Variants in SLC25A26 observed in about 807,000 individuals in gnomAD.
SLC25A26 encodes solute carrier family 25 member 26.
In SLC25A26, 36 loss-of-function variants were observed where a neutral mutation model predicts 37.8. That is an observed-to-expected ratio of 0.95 (90% CI 0.73 to 1.26). SLC25A26 has a LOEUF of 1.26. SLC25A26 is among the 50% of genes most tolerant of loss of function. The pLI, the probability that SLC25A26 is intolerant of heterozygous loss-of-function variation, is 0.00. For synonymous variants in SLC25A26, 129 were observed against 122.5 expected (o/e 1.05, Z -0.35); for missense variants, 390 against 331.1 (o/e 1.18, Z -1.38).
At chr3:66,172,377 C>G (rs1253648955) in intron 1 of SLC25A26, among the ~76,000 whole-genome samples, 1 of 127,442 alleles carries the variant, frequency 7.8e-6, no homozygotes, top group African/African-American at 3.0e-5. Context: ...CACCATTGTA[C>G]TCCAGCCTGG....
chr3:66,368,626 T>G (rs1235503475), intron 7 of SLC25A26, among the ~76,000 whole-genome samples: 1 of 152,198 alleles, frequency 6.6e-6, no homozygotes, highest in African/African-American at 2.4e-5. Flanking sequence ...TCCAGCCATG[T>G]ATACCCAAAA....
intron 3 of SLC25A26, among the ~76,000 whole-genome samples, chr3:66,256,420 A>G (rs994704992): frequency 2.6e-5 from 4 of 152,174 alleles, no homozygotes; most frequent in African/African-American, 9.7e-5. Flanking sequence ...TCTTTGGTCC[A>G]TAATAAATAC....
chr3:66,235,840 G>A (rs893543301), intron 1 of SLC25A26, among the ~76,000 whole-genome samples: 3 of 152,190 alleles, frequency 2.0e-5, no homozygotes, highest in Non-Finnish European at 4.4e-5. Flanking sequence ...GTTTACCTGA[G>A]TTATTAGGAA....
intron 1 of SLC25A26, among the ~76,000 whole-genome samples, chr3:66,198,704 C>T (rs2071075941): frequency 6.6e-6 from 1 of 151,914 alleles, no homozygotes; most frequent in South Asian, 2.1e-4. Flanking sequence ...ATCCGACCCG[C>T]ATCTTCACCT....
rs1194007731 is a variant in SLC25A26 at position 66,263,444 on chromosome 3, A to G, written c.453+65A>G. 3.1e-6 allele frequency: 3 copies of G among 954,898 alleles called. No homozygotes were observed. The African/African-American group carries it at 4.9e-5, about 16-fold the overall frequency. The allele number at this position is 954,898 out of a possible 1,614,324, so 59.2% of individuals were successfully genotyped here. A position where few individuals can be genotyped will look rare whatever the true frequency, so the allele number is the denominator to read the frequency against. ...GATGTCCTTTGTTCAGTAAATTTAT[A>G]CTACTTAACAATTAGAAATATATTT... On this transcript the variant is annotated intron_variant, in intron 5 of 9. Transcript: ENST00000354883.
intron 6 of SLC25A26, among the ~76,000 whole-genome samples, chr3:66,348,486 A>G (rs1387837181): frequency 6.6e-6 from 1 of 152,192 alleles, no homozygotes; most frequent in African/African-American, 2.4e-5. Flanking sequence ...TGACCAGGCT[A>G]TAAAATAATC....
At chr3:66,350,717 C>T (rs116371330) in intron 6 of SLC25A26, among the ~76,000 whole-genome samples, 3 of 151,068 alleles carry the variant, frequency 2.0e-5, no homozygotes, top group Admixed American at 6.6e-5. Flanking sequence ...TGTGTGTGAG[C>T]GCGCGCGTGC....
intron 1 of SLC25A26, 41 bp from the exon 2 acceptor site, chr3:66,236,503 A>AC (rs1299233580): frequency 1.4e-6 from 2 of 1,409,838 alleles, no homozygotes; most frequent in South Asian, 1.5e-5. Context: ...TTTTGTTGTA[A>AC]CCTTTTTTTT....
intron 5 of SLC25A26, among the ~76,000 whole-genome samples, chr3:66,294,117 G>A (rs1444417609): frequency 6.6e-6 from 1 of 152,152 alleles, no homozygotes; most frequent in Non-Finnish European, 1.5e-5. Flanking sequence ...GCTTTGGGCA[G>A]TATGGCCGTT....
At chr3:66,288,081 C>T (rs1405630971) in intron 5 of SLC25A26, among the ~76,000 whole-genome samples, 2 of 152,142 alleles carry the variant, frequency 1.3e-5, no homozygotes, top group Admixed American at 1.3e-4. Flanking sequence ...GATTCTGCCC[C>T]TAGACAGCTT....
In SLC25A26 at chr3:66,378,769, T is replaced by C. The variant is rs1052447201; in HGVS notation, c.*962T>C. ...GATAATTAAAGGCAGAATGACTGCGTTTGTAAAAGAAGGACCACCAACTAT... is the reference window on the plus strand; with the variant it reads ...GATAATTAAAGGCAGAATGACTGCGCTTGTAAAAGAAGGACCACCAACTAT... On this transcript the variant is annotated 3_prime_UTR_variant, in exon 10 of 10. Coordinates refer to ENST00000354883, the MANE Select transcript of SLC25A26 (RefSeq NM_001379210.1). 6.6e-6 allele frequency: 1 copy of C among 152,620 alleles called. No individual in the cohort carries two copies. The highest frequency in any genetic ancestry group is 1.5e-5 in the Non-Finnish European group (1 of 68,040). 9.5% of individuals were successfully genotyped at this position (152,620 alleles called of 1,614,324 possible). A position where few individuals can be genotyped will look rare whatever the true frequency, so the allele number is the denominator to read the frequency against.
At chr3:66,356,452 C>T (rs2076578087) in intron 6 of SLC25A26, among the ~76,000 whole-genome samples, 1 of 152,044 alleles carries the variant, frequency 6.6e-6, no homozygotes, top group South Asian at 2.1e-4. Flanking sequence ...AAGAATAATA[C>T]AAATACTGTT....
At chr3:66,348,225 T>C (rs2076371457) in intron 6 of SLC25A26, among the ~76,000 whole-genome samples, 1 of 152,210 alleles carries the variant, frequency 6.6e-6, no homozygotes, top group South Asian at 2.1e-4. Context: ...GGTGCAGTGA[T>C]ACTGAAAACT....
chr3:66,220,972 T>TACGTCACGTGGTCCC (rs2071457438), upstream of SLC25A26: 8 of 1,061,632 alleles, frequency 7.5e-6, no homozygotes, highest in Non-Finnish European at 1.1e-5. Flanking sequence ...GTTGTGGTTC[T>TACGTCACGTGGTCCC]ACGTCACGTG....
chr3:66,143,325 C>T (rs2070064557), intron 1 of SLC25A26, among the ~76,000 whole-genome samples: 1 of 152,178 alleles, frequency 6.6e-6, no homozygotes, highest in African/African-American at 2.4e-5. Flanking sequence ...TTTTCACCAC[C>T]TGTTTCCAAT....
chr3:66,339,650 T>A (rs2076164634), intron 5 of SLC25A26, among the ~76,000 whole-genome samples: 1 of 152,090 alleles, frequency 6.6e-6, no homozygotes, highest in Non-Finnish European at 1.5e-5. Flanking sequence ...CATCTTTTTA[T>A]ATGCTTGTTG....
chr3:66,204,707 T>C (rs1180675171), intron 1 of SLC25A26, among the ~76,000 whole-genome samples: 1 of 152,202 alleles, frequency 6.6e-6, no homozygotes, highest in Non-Finnish European at 1.5e-5. Context: ...GAAATGACTT[T>C]GTTGCACCAA....
intron 6 of SLC25A26, among the ~76,000 whole-genome samples, chr3:66,359,977 T>G (rs1239269644): frequency 6.6e-6 from 1 of 152,224 alleles, no homozygotes. Context: ...CACGTTAGTA[T>G]GGATAGAGGG....
At chr3:66,358,102 T>C (rs1237735676) in intron 6 of SLC25A26, among the ~76,000 whole-genome samples, 2 of 152,262 alleles carry the variant, frequency 1.3e-5, no homozygotes, top group African/African-American at 2.4e-5. Flanking sequence ...TCTAAAATTA[T>C]GTGAATGTCA....
Sources: gnomAD v4.1 joint callset for allele counts (sites outside exome capture counted in the v4.1 genomes callset) on GRCh38, gnomAD v4.1.1 for gene constraint, MANE v1.5 for transcripts, NCBI Gene and HGNC (gene_info 2026-07-23, HGNC 2026-07-21) for gene names.